Variants in MYT1L observed in about 807,000 individuals in gnomAD.
The protein encoded by MYT1L is myelin transcription factor 1-like protein.
A neutral mutation model predicts 126.7 loss-of-function variants in MYT1L; 12 were observed. That is an observed-to-expected ratio of 0.09 (90% CI 0.06 to 0.15). The LOEUF is 0.15. MYT1L is among the 10% of genes least tolerant of loss of function. MYT1L has a pLI of 1.00. For missense variants in MYT1L, 979 were observed against 1,585.2 expected (o/e 0.62, Z 6.49); for synonymous variants, 541 against 604.2 (o/e 0.90, Z 1.53).
At chr2:2,284,787 C>CCT (rs71404169) in intron 1 of MYT1L, among the ~76,000 whole-genome samples, 60,847 of 151,488 alleles carry the variant, frequency 0.4, 13,455 homozygotes, top group South Asian at 0.54. Context: ...CTCACTGGAG[C>CCT]CTGTCTCCTG....
intron 21 of MYT1L, among the ~76,000 whole-genome samples, chr2:1,819,720 G>A (rs1470491592): frequency 1.3e-5 from 2 of 152,228 alleles, no homozygotes; most frequent in Non-Finnish European, 2.9e-5. Context: ...GTCCGCATGG[G>A]TATTTAAAGA....
intron 8 of MYT1L, among the ~76,000 whole-genome samples, chr2:1,957,579 A>G (rs1431183509): frequency 6.6e-6 from 1 of 150,614 alleles, no homozygotes; most frequent in African/African-American, 2.5e-5. Context: ...TCAATCACCT[A>G]TCATCCATCT....
At chr2:2,096,812 C>T (rs188690484) in intron 3 of MYT1L, among the ~76,000 whole-genome samples, 1 of 152,304 alleles carries the variant, frequency 6.6e-6, no homozygotes, top group African/African-American at 2.4e-5. Flanking sequence ...CCAGGGTTCT[C>T]TTCTTGAACA....
At chr2:2,019,799 C>A (rs1158778694) in intron 4 of MYT1L, among the ~76,000 whole-genome samples, 2 of 149,514 alleles carry the variant, frequency 1.3e-5, no homozygotes, top group African/African-American at 4.9e-5. Flanking sequence ...TGTAAATATT[C>A]TTCTATTTTT....
chr2:2,323,211 GAT>G (rs1397327386), intron 1 of MYT1L, among the ~76,000 whole-genome samples: 2 of 151,974 alleles, frequency 1.3e-5, no homozygotes, highest in African/African-American at 2.4e-5. Context: ...TTTTTGAAAA[GAT>G]ATATTTTTTT....
At chr2:2,028,404 T>C (rs2065863900) in intron 4 of MYT1L, among the ~76,000 whole-genome samples, 1 of 152,160 alleles carries the variant, frequency 6.6e-6, no homozygotes, top group Admixed American at 6.5e-5. Context: ...AGGGACTGAA[T>C]AGTAGATCGA....
At chr2:1,808,465 G>A (rs549909866) in intron 22 of MYT1L, among the ~76,000 whole-genome samples, 81 of 152,262 alleles carry the variant, frequency 5.3e-4, no homozygotes, top group South Asian at 2.9e-3. Flanking sequence ...AGGTGACCTC[G>A]CAAATAGAGT....
intron 2 of MYT1L, among the ~76,000 whole-genome samples, chr2:2,281,299 A>C (rs1308375448): frequency 6.6e-6 from 1 of 152,254 alleles, no homozygotes; most frequent in Non-Finnish European, 1.5e-5. Flanking sequence ...TGAGTCAATT[A>C]AACCTCTTTT....
At chr2:2,040,851 T>C (rs1220070202) in intron 4 of MYT1L, among the ~76,000 whole-genome samples, 1 of 152,238 alleles carries the variant, frequency 6.6e-6, no homozygotes, top group African/African-American at 2.4e-5. Flanking sequence ...TAAAAAACTA[T>C]AATTAACTGG....
chr2:2,111,096 T>C (rs1224196947), intron 3 of MYT1L, among the ~76,000 whole-genome samples: 1 of 152,120 alleles, frequency 6.6e-6, no homozygotes, highest in African/African-American at 2.4e-5. Flanking sequence ...GGGCAGCCCA[T>C]GTTCTTAGAG....
intron 2 of MYT1L, among the ~76,000 whole-genome samples, chr2:2,185,601 G>C (rs1280565795): frequency 6.8e-6 from 1 of 146,986 alleles, no homozygotes; most frequent in Non-Finnish European, 1.5e-5. Flanking sequence ...AGGCCTTCCG[G>C]GCCTTCCCGA....
Position 2,267,186 on chromosome 2 carries a change from A to C in MYT1L, c.-421+17218T>G, listed in dbSNP as rs145627527. Reference sequence around the variant, plus strand: ...ATGGTACCCTGAAACACAAAGTCTGAGAAGAGTGTTTGAGAAAAGGAGCAA... The same window carrying C: ...ATGGTACCCTGAAACACAAAGTCTGCGAAGAGTGTTTGAGAAAAGGAGCAA... On this transcript the variant is annotated intron_variant, in intron 2 of 24. Coordinates refer to ENST00000647738, the MANE Select transcript of MYT1L (RefSeq NM_001303052.2). Among the ~76,000 whole-genome samples, 658 of 152,312 alleles carry C rather than the reference A, an allele frequency of 4.3e-3. 6 individuals are homozygous for C. Among genetic ancestry groups the C allele is most frequent in the African/African-American group, 0.015 (625 of 41,578 alleles).
intron 4 of MYT1L, among the ~76,000 whole-genome samples, chr2:2,034,329 C>T (rs1198813048): frequency 6.8e-6 from 1 of 148,148 alleles, no homozygotes; most frequent in Non-Finnish European, 1.5e-5. Flanking sequence ...GAAGAGAGCT[C>T]CTAACTTCTC....
At chr2:1,844,977 C>CTT (rs34390205) in intron 19 of MYT1L, among the ~76,000 whole-genome samples, 24 of 133,120 alleles carry the variant, frequency 1.8e-4, no homozygotes, top group African/African-American at 3.2e-4. Flanking sequence ...ATCCATCTTC[C>CTT]TTTTTTTTTT....
rs2074210117 is a variant in MYT1L at position 2,068,769 on chromosome 2, G to GTTTGTTTTTTTTTT, written c.-303-14647_-303-14646insAAAAAAAAAACAAA. On this transcript the variant is annotated intron_variant, in intron 3 of 24. Transcript: ENST00000647738. ...GGACACAGACACCTGTGTTCTTCTT[G>GTTTGTTTTTTTTTT]TTTTTTTTTTTTTTTTTTTTTTTTT... is the stretch of plus-strand genomic sequence containing the variant. 5.7e-4 allele frequency among the ~76,000 whole-genome samples: 15 copies of GTTTGTTTTTTTTTT among 26,192 alleles called. 1 individual carries two copies. The highest frequency in any genetic ancestry group is 1.2e-3 in the African/African-American group (11 of 9,066). The allele number at this position is 26,192 out of a possible 152,430, so 17.2% of individuals were successfully genotyped here.
At chr2:1,920,203 A>C (rs2053396505) in intron 10 of MYT1L, among the ~76,000 whole-genome samples, 1 of 152,196 alleles carries the variant, frequency 6.6e-6, no homozygotes, top group East Asian at 1.9e-4. Flanking sequence ...TCCTCCCAAG[A>C]GGGAAAAAGC....
intron 2 of MYT1L, among the ~76,000 whole-genome samples, chr2:2,196,109 C>A (rs1196136409): frequency 6.6e-6 from 1 of 150,520 alleles, no homozygotes; most frequent in Non-Finnish European, 1.5e-5. Flanking sequence ...CATAGTAAAA[C>A]TTCTGGAAAT....
chr2:2,034,069 C>T (rs79890929), intron 4 of MYT1L, among the ~76,000 whole-genome samples: 3,925 of 152,230 alleles, frequency 0.026, 161 homozygotes, highest in African/African-American at 0.086. Flanking sequence ...TAAGTAGCTT[C>T]GTTACTGTAC....
At chr2:1,975,430 T>G (rs1051628118) in intron 8 of MYT1L, among the ~76,000 whole-genome samples, 10 of 152,206 alleles carry the variant, frequency 6.6e-5, no homozygotes, top group African/African-American at 2.4e-4. Context: ...ATGTTGAAAA[T>G]TAAAGACTAA....
Sources: gnomAD v4.1 joint callset for allele counts (sites outside exome capture counted in the v4.1 genomes callset) on GRCh38, gnomAD v4.1.1 for gene constraint, MANE v1.5 for transcripts, NCBI Gene and HGNC (gene_info 2026-07-23, HGNC 2026-07-21) for gene names.